The following AOPEP variants were observed in gnomAD, a reference collection of about 807,000 sequenced individuals.
The protein encoded by AOPEP is aminopeptidase O (putative), also known as aminopeptidase O.
In AOPEP, 77 loss-of-function variants were observed where a neutral mutation model predicts 98.1. That is an observed-to-expected ratio of 0.78 (90% CI 0.65 to 0.95). The LOEUF (loss-of-function observed/expected upper bound fraction) is 0.95, where lower values mean the gene tolerates loss of function less well. Among genes scored for constraint, AOPEP ranks in the 40% least tolerant of loss-of-function variants. AOPEP has a pLI of 0.00. For missense variants in AOPEP, 1,024 were observed against 1,024.7 expected (o/e 1.00, Z 0.01); for synonymous variants, 346 against 365.3 (o/e 0.95, Z 0.60).
chr9:94,747,540 C>T (rs1391251694), intron 1 of AOPEP, among the ~76,000 whole-genome samples: 2 of 152,072 alleles, frequency 1.3e-5, no homozygotes, highest in African/African-American at 2.4e-5. Flanking sequence ...AATAAATAGG[C>T]ATGAACAAAG....
intron 7 of AOPEP, among the ~76,000 whole-genome samples, chr9:94,938,670 A>AAGGCT (rs2056630362): frequency 6.6e-6 from 1 of 152,228 alleles, no homozygotes; most frequent in Non-Finnish European, 1.5e-5. Context: ...TGGGCCAGGC[A>AAGGCT]AGGCTAGGCT....
chr9:94,881,664 A>G (rs1174953232), intron 5 of AOPEP, among the ~76,000 whole-genome samples: 1 of 152,126 alleles, frequency 6.6e-6, no homozygotes, highest in Non-Finnish European at 1.5e-5. Context: ...TTATAAATAG[A>G]GTAGTTGATG....
At chr9:94,732,035 T>C (rs929051153) in intron 1 of AOPEP, among the ~76,000 whole-genome samples, 1 of 152,148 alleles carries the variant, frequency 6.6e-6, no homozygotes, top group Non-Finnish European at 1.5e-5. Flanking sequence ...TCTGCCCACC[T>C]TGGCCTCCCA....
At chr9:94,900,056 G>A (rs2050177849) in intron 5 of AOPEP, among the ~76,000 whole-genome samples, 1 of 152,170 alleles carries the variant, frequency 6.6e-6, no homozygotes. Flanking sequence ...GAGATGGAGG[G>A]GTCTGGGGAA....
At position 94,930,035 on chromosome 9, in the gene AOPEP, G is replaced by A. The variant is rs1289411258; in HGVS notation, c.1661+1504G>A. Among the ~76,000 whole-genome samples the A allele has an allele frequency of 2.0e-5, 3 of 152,198 alleles. No homozygotes were observed. The highest frequency in any genetic ancestry group is 2.9e-5 in the Non-Finnish European group (2 of 68,042). On this transcript the variant is annotated intron_variant, in intron 7 of 16. Transcript: ENST00000375315. This position sits in a 1 kb window ranked among gnomAD's most constrained non-coding sequence, Gnocchi z 4.5. ...CCCAAGTTCTTCAGAAGCTGCTCCA[G>A]GACCTTCAGCAGGAAGGTGGTATGA...
chr9:95,101,385 G>GT, the AOPEP span: 1 of 424,798 alleles, frequency 2.4e-6, no homozygotes, highest in Non-Finnish European at 4.3e-6. Context: ...CTTGACTTGG[G>GT]TAAAAACTAG....
At chr9:94,852,744 G>A (rs1433566360) in intron 5 of AOPEP, among the ~76,000 whole-genome samples, 3 of 152,182 alleles carry the variant, frequency 2.0e-5, no homozygotes, top group African/African-American at 7.2e-5. Flanking sequence ...ATTAAAAATC[G>A]TGTGAATCAT....
At chr9:94,793,455 C>T (rs1380700159) in intron 4 of AOPEP, among the ~76,000 whole-genome samples, 3 of 150,686 alleles carry the variant, frequency 2.0e-5, no homozygotes, top group Non-Finnish European at 4.4e-5. Context: ...TGAGGCGGGT[C>T]GATCACGAGG....
the AOPEP span, among the ~76,000 whole-genome samples, chr9:95,129,416 G>A: frequency 9.9e-5 from 15 of 152,080 alleles, no homozygotes; most frequent in African/African-American, 2.4e-4. Context: ...TTTGGAAGCC[G>A]TATCTTCCCC....
intron 13 of AOPEP, among the ~76,000 whole-genome samples, chr9:95,058,814 G>A (rs1000273592): frequency 3.3e-5 from 5 of 152,190 alleles, no homozygotes; most frequent in Admixed American, 1.3e-4. Context: ...CCTGGGAGAC[G>A]GGTTAGGGGT....
Position 94,922,136 on chromosome 9 carries a change from G to C in AOPEP, c.1365-1850G>C, listed in dbSNP as rs140918005. 4.5e-3 allele frequency among the ~76,000 whole-genome samples: 680 copies of C among 152,332 alleles called. 5 individuals carry two copies. The highest frequency in any genetic ancestry group is 0.016 in the African/African-American group (651 of 41,578). ...AGTGCCACCCACCCTCCCCACAGCT[G>C]CTTTTGTGCATTCCTTCAGGCCCTC... On this transcript the variant is annotated intron_variant, in intron 5 of 16. Transcript: ENST00000375315.
intron 7 of AOPEP, chr9:94,932,490 T>G (rs868191849): frequency 5.8e-6 from 1 of 173,136 alleles, no homozygotes; most frequent in African/African-American, 2.4e-5. Flanking sequence ...TCTTTCTTTT[T>G]TTTTTTTTTT....
At chr9:94,909,833 T>C (rs1246178017) in intron 5 of AOPEP, among the ~76,000 whole-genome samples, 1 of 152,138 alleles carries the variant, frequency 6.6e-6, no homozygotes, top group East Asian at 1.9e-4. Flanking sequence ...ACGGCTGTCA[T>C]GAGTCCGCCA....
intron 5 of AOPEP, among the ~76,000 whole-genome samples, chr9:94,852,156 A>C (rs1372402609): frequency 6.6e-6 from 1 of 152,196 alleles, no homozygotes; most frequent in Non-Finnish European, 1.5e-5. Context: ...CATCTTAGGC[A>C]GTTATCCTCA....
intron 14 of AOPEP, among the ~76,000 whole-genome samples, chr9:95,063,993 T>G (rs1316131434): frequency 4.6e-5 from 7 of 151,986 alleles, no homozygotes; most frequent in African/African-American, 1.7e-4. Flanking sequence ...CTAACAACAT[T>G]TAGAGGCCAC....
chr9:94,867,987 AC>A (rs1232767910), intron 5 of AOPEP, among the ~76,000 whole-genome samples: 1 of 152,168 alleles, frequency 6.6e-6, no homozygotes, highest in African/African-American at 2.4e-5. Flanking sequence ...TGTTTTCTCA[AC>A]CCATGCTCCC....
chr9:95,089,570 T>G (rs1230195431), downstream of AOPEP, among the ~76,000 whole-genome samples: 3 of 152,222 alleles, frequency 2.0e-5, no homozygotes, highest in Non-Finnish European at 2.9e-5. Flanking sequence ...TGACATCTGC[T>G]GAAGCCTCCG....
intron 5 of AOPEP, among the ~76,000 whole-genome samples, chr9:94,807,410 T>C (rs1849476201): frequency 6.6e-6 from 1 of 152,194 alleles, no homozygotes; most frequent in Non-Finnish European, 1.5e-5. Flanking sequence ...GGGGCCATCC[T>C]TCAAGAGAAA....
chr9:95,101,361 T>G, the AOPEP span: 1 of 398,318 alleles, frequency 2.5e-6, no homozygotes, highest in Non-Finnish European at 4.6e-6. Flanking sequence ...AATTTTTAAA[T>G]AATAGATGTG....
Sources: gnomAD v4.1 joint callset for allele counts (sites outside exome capture counted in the v4.1 genomes callset) on GRCh38, gnomAD v4.1.1 for gene constraint, Gnocchi (gnomAD v3.1) non-coding constraint, MANE v1.5 for transcripts, NCBI Gene and HGNC (gene_info 2026-07-23, HGNC 2026-07-21) for gene names.